Variants in CLTC observed in about 807,000 individuals in gnomAD.
The protein encoded by CLTC is clathrin heavy chain 1.
A neutral mutation model predicts 195.8 loss-of-function variants in CLTC; 16 were observed. The observed-to-expected ratio is 0.08, with a 90% CI of 0.06 to 0.12. CLTC has a LOEUF of 0.12. Among genes scored for constraint, CLTC ranks in the 10% least tolerant of loss-of-function variants. The pLI is 1.00. For missense variants in CLTC, 796 were observed against 2,027.0 expected (o/e 0.39, Z 11.66); for synonymous variants, 667 against 689.4 (o/e 0.97, Z 0.51).
chr17:59,671,790 C>T (rs935834184), intron 14 of CLTC, among the ~76,000 whole-genome samples: 1 of 152,202 alleles, frequency 6.6e-6, no homozygotes, highest in African/African-American at 2.4e-5. Context: ...GTGCCCTGTA[C>T]TACTATTCTC....
chr17:59,624,595 A>G (rs1020129848), intron 1 of CLTC, among the ~76,000 whole-genome samples: 9 of 150,976 alleles, frequency 6.0e-5, no homozygotes, highest in African/African-American at 2.2e-4. Flanking sequence ...CAGCCTCCCA[A>G]GTAGCTGGGA....
intron 15 of CLTC, 96 bp downstream of exon 15, chr17:59,673,868 G>T (rs2143573564): frequency 1.4e-6 from 1 of 699,034 alleles, no homozygotes. Flanking sequence ...CTCAATAAGA[G>T]TGGTCTGCAG....
intron 1 of CLTC, among the ~76,000 whole-genome samples, chr17:59,626,889 T>C (rs1430204526): frequency 2.0e-5 from 3 of 152,146 alleles, no homozygotes; most frequent in Non-Finnish European, 1.5e-5. Context: ...ATTTAAGATA[T>C]TTTTGTCCTA....
chr17:59,658,620 G>A (rs1441721394), intron 6 of CLTC: 1 of 152,200 alleles, frequency 6.6e-6, no homozygotes, highest in Non-Finnish European at 1.5e-5. Flanking sequence ...CAATTAAAGT[G>A]ATATTATAGT....
intron 5 of CLTC, among the ~76,000 whole-genome samples, chr17:59,653,687 A>G (rs908844330): frequency 6.6e-6 from 1 of 151,380 alleles, no homozygotes; most frequent in South Asian, 2.1e-4. Flanking sequence ...AGAGTAGCTA[A>G]GAGTAGGTAG....
chr17:59,665,691 A>G (rs1351591889), intron 10 of CLTC, among the ~76,000 whole-genome samples: 2 of 152,044 alleles, frequency 1.3e-5, no homozygotes, highest in Non-Finnish European at 2.9e-5. Flanking sequence ...ATAACAAAAA[A>G]TTAGCTAGGT....
chr17:59,667,107 GT>G, intron 13 of CLTC, 130 bp downstream of exon 13: 1 of 651,954 alleles, frequency 1.5e-6, no homozygotes, highest in South Asian at 2.2e-5. Flanking sequence ...AATTTTTTAA[GT>G]TTTATTCAAT....
intron 10 of CLTC, among the ~76,000 whole-genome samples, chr17:59,665,309 A>C (rs1205529386): frequency 6.6e-6 from 1 of 152,238 alleles, no homozygotes; most frequent in Non-Finnish European, 1.5e-5. Flanking sequence ...GCCTTGCAAA[A>C]AAAGCAAGTT....
At chr17:59,661,359 GATGTTTGGATCACTTTCGAAGAGCGTTTA>G (rs1379866435) in intron 7 of CLTC, 55 bp from the exon 8 acceptor site, 1 of 1,029,524 alleles carries the variant, frequency 9.7e-7, no homozygotes, top group Non-Finnish European at 1.5e-6. Flanking sequence ...TGTTTAGTGT[GATGTTTGGATCACTTTCGAAGAGCGTTTA>G]ACATTTCTCC....
At chr17:59,671,769 G>C (rs543346735) in intron 14 of CLTC, among the ~76,000 whole-genome samples, 23 of 152,144 alleles carry the variant, frequency 1.5e-4, no homozygotes, top group African/African-American at 5.5e-4. Context: ...CCTGCCGAAG[G>C]GCCTTTGCTT....
At chr17:59,664,067 CTT>C in intron 9 of CLTC, 73 bp downstream of exon 9, 1 of 1,252,430 alleles carries the variant, frequency 8.0e-7, no homozygotes, top group Non-Finnish European at 1.1e-6. Flanking sequence ...TGTATTAACT[CTT>C]GATTACTTTA....
intron 1 of CLTC, among the ~76,000 whole-genome samples, chr17:59,636,932 C>CT (rs771908096): frequency 0.049 from 5,052 of 103,676 alleles, 325 homozygotes; most frequent in African/African-American, 0.15. Context: ...CCGGCTAATT[C>CT]TTTTTTTTTT....
chr17:59,620,301 G>A, intron 1 of CLTC, 128 bp downstream of exon 1: 1 of 851,008 alleles, frequency 1.2e-6, no homozygotes. Context: ...TGGGGTAGGT[G>A]GAGGAGGGGG....
intron 1 of CLTC, among the ~76,000 whole-genome samples, chr17:59,629,451 G>GTTAT (rs935820211): frequency 6.6e-6 from 1 of 151,032 alleles, no homozygotes; most frequent in African/African-American, 2.4e-5. Context: ...ACTGTTGGAT[G>GTTAT]TTATAAGCAG....
intron 8 of CLTC, among the ~76,000 whole-genome samples, chr17:59,663,102 C>T (rs1239549105): frequency 1.3e-5 from 2 of 152,096 alleles, no homozygotes; most frequent in Non-Finnish European, 2.9e-5. Context: ...TTAAGATTAT[C>T]GACTCTGATA....
intron 4 of CLTC, among the ~76,000 whole-genome samples, chr17:59,650,557 G>A (rs983635537): frequency 2.1e-5 from 3 of 145,730 alleles, no homozygotes; most frequent in African/African-American, 5.1e-5. Flanking sequence ...GCACGATCCC[G>A]GTTCCCTGCA....
chr17:59,630,976 C>A (rs918437314), intron 1 of CLTC, among the ~76,000 whole-genome samples: 1 of 152,196 alleles, frequency 6.6e-6, no homozygotes, highest in African/African-American at 2.4e-5. Context: ...TGAGAGACCA[C>A]GAAACCGTTT....
intron 1 of CLTC, among the ~76,000 whole-genome samples, chr17:59,638,333 C>T (rs2031928894): frequency 6.6e-6 from 1 of 151,776 alleles, no homozygotes; most frequent in Non-Finnish European, 1.5e-5. Flanking sequence ...AAGACCCTGT[C>T]TCTTAAAAAA....
At position 59,666,741 on chromosome 17, in the gene CLTC, CCAT is replaced by C. The variant is rs1433350269; in HGVS notation, c.1948-55_1948-53del. 6.4e-7 allele frequency: 1 copy of C among 1,563,568 alleles called. No individual in the cohort carries two copies. Among genetic ancestry groups the C allele is most frequent in the Non-Finnish European group, 8.7e-7 (1 of 1,143,746 alleles). On this transcript the variant is annotated intron_variant, in intron 12 of 31. Coordinates refer to ENST00000269122, the MANE Select transcript of CLTC (RefSeq NM_004859.4). The surrounding 1 kb of genome is among the most constrained non-coding windows in gnomAD (Gnocchi z 4.9). ...ACTAAATATTAATAATTTCATACCACCATGAGGTTCAACATTATTTCATTTATT... is the reference window on the plus strand; with the variant it reads ...ACTAAATATTAATAATTTCATACCACGAGGTTCAACATTATTTCATTTATT...
Sources: allele counts gnomAD v4.1 joint callset (sites outside exome capture counted in the v4.1 genomes callset), GRCh38; gene constraint gnomAD v4.1.1; non-coding constraint Gnocchi (gnomAD v3.1); transcripts MANE v1.5; gene names NCBI Gene and HGNC (gene_info 2026-07-23, HGNC 2026-07-21).